The following TYR variants were observed in gnomAD, a reference collection of about 807,000 sequenced individuals.
TYR encodes tyrosinase, also known as LB24-AB.
A neutral mutation model predicts 51.5 loss-of-function variants in TYR; 58 were observed. The ratio of observed to expected loss-of-function variants is 1.13; its 90% CI spans 0.91 to 1.40. The LOEUF (loss-of-function observed/expected upper bound fraction) is 1.40. Ranked by LOEUF, TYR falls within the 40% of genes most tolerant of loss-of-function variation. TYR has a pLI of 0.00. For missense variants in TYR, 732 were observed against 647.4 expected (o/e 1.13, Z -1.42); for synonymous variants, 263 against 235.2 (o/e 1.12, Z -1.08).
chr11:89,185,821 T>TA (rs1050533223), intron 1 of TYR, among the ~76,000 whole-genome samples: 25 of 152,180 alleles, frequency 1.6e-4, no homozygotes, highest in African/African-American at 4.8e-4. Flanking sequence ...CTAAGAAAAA[T>TA]AAAAAAATAT....
intron 4 of TYR, among the ~76,000 whole-genome samples, chr11:89,289,129 T>C (rs1165369796): frequency 6.6e-6 from 1 of 152,070 alleles, no homozygotes; most frequent in Non-Finnish European, 1.5e-5. Flanking sequence ...AGAAGGGTTA[T>C]GTCTTCAATG....
intron 1 of TYR, among the ~76,000 whole-genome samples, chr11:89,190,112 AC>A (rs1244614017): frequency 6.6e-6 from 1 of 152,192 alleles, no homozygotes; most frequent in African/African-American, 2.4e-5. Flanking sequence ...ATGATAATAA[AC>A]AACTATGTTA....
intron 3 of TYR, 40 bp from the exon 4 acceptor site, chr11:89,284,733 A>T: frequency 1.9e-6 from 3 of 1,595,196 alleles, no homozygotes; most frequent in Non-Finnish European, 2.6e-6. Flanking sequence ...TCTTTTATAC[A>T]CAATATGTTT....
intron 1 of TYR, among the ~76,000 whole-genome samples, chr11:89,184,578 C>G (rs1943344159): frequency 6.6e-6 from 1 of 152,030 alleles, no homozygotes; most frequent in African/African-American, 2.4e-5. Flanking sequence ...CTCAACAGTT[C>G]TAGTTCTCAA....
intron 2 of TYR, among the ~76,000 whole-genome samples, chr11:89,222,964 A>G (rs1943931588): frequency 6.6e-6 from 1 of 152,180 alleles, no homozygotes; most frequent in Non-Finnish European, 1.5e-5. Context: ...ATAATAACAC[A>G]TTCTGCACCT....
At chr11:89,236,857 T>G (rs1241714061) in intron 3 of TYR, among the ~76,000 whole-genome samples, 1 of 152,164 alleles carries the variant, frequency 6.6e-6, no homozygotes, top group Non-Finnish European at 1.5e-5. Context: ...CTAGTTTCAG[T>G]TTTGACCTCC....
At chr11:89,180,502 A>G (rs1591135742) in intron 1 of TYR, among the ~76,000 whole-genome samples, 1 of 152,120 alleles carries the variant, frequency 6.6e-6, no homozygotes, top group African/African-American at 2.4e-5. Flanking sequence ...GTCAAGCAGA[A>G]CTTTTTCCTT....
intron 2 of TYR, among the ~76,000 whole-genome samples, chr11:89,208,005 ACGC>A (rs1943694432): frequency 6.6e-6 from 1 of 152,242 alleles, no homozygotes; most frequent in South Asian, 2.1e-4. Context: ...GCGGTGGCTC[ACGC>A]CTGTAATCCC....
intron 3 of TYR, among the ~76,000 whole-genome samples, chr11:89,250,892 G>A (rs1944324491): frequency 6.6e-6 from 1 of 151,772 alleles, no homozygotes; most frequent in African/African-American, 2.4e-5. Context: ...AAACAGTAGT[G>A]GAATAATGAC....
At chr11:89,284,987 A>G in intron 4 of TYR, 33 bp downstream of exon 4, 1 of 1,576,424 alleles carries the variant, frequency 6.3e-7, no homozygotes, top group Non-Finnish European at 8.7e-7. Flanking sequence ...GGAATTGCTG[A>G]ATCTAGTGTT....
chr11:89,178,868 CA>C (rs1943264675), intron 1 of TYR, 96 bp downstream of exon 1: 1 of 1,242,776 alleles, frequency 8.0e-7, no homozygotes, highest in Admixed American at 1.8e-5. Context: ...ACACTCATTG[CA>C]GCCCCCATCA....
intron 1 of TYR, among the ~76,000 whole-genome samples, 165 bp downstream of exon 1, chr11:89,178,937 A>G (rs545632586): frequency 6.6e-6 from 1 of 152,276 alleles, no homozygotes; most frequent in African/African-American, 2.4e-5. Flanking sequence ...TTTCCTTTAT[A>G]GCACACTTTA....
chr11:89,285,089 T>G, intron 4 of TYR, 135 bp downstream of exon 4: 1 of 756,488 alleles, frequency 1.3e-6, no homozygotes, highest in Non-Finnish European at 2.2e-6. Flanking sequence ...TAATCCTTAA[T>G]TTATTACCAG....
intron 3 of TYR, among the ~76,000 whole-genome samples, chr11:89,235,855 G>A (rs375961381): frequency 6.6e-6 from 1 of 152,032 alleles, no homozygotes; most frequent in Non-Finnish European, 1.5e-5. Context: ...ACAATAAAAT[G>A]ATAAATATGT....
In TYR at chr11:89,270,266, C is replaced by T. The variant is rs189200939; in HGVS notation, c.1185-14507C>T. 7.2e-5 allele frequency among the ~76,000 whole-genome samples: 11 copies of T among 151,932 alleles called. No homozygotes were observed. In the East Asian group the frequency reaches 2.2e-3, roughly 30 times the overall value. ...AGAATGCTTTTTTTCCCTCTTATTA[C>T]TTTGCCTAGATCTCTGCTATTCATT... On this transcript the variant is annotated intron_variant, in intron 3 of 4. Transcript: ENST00000263321.
intron 1 of TYR, among the ~76,000 whole-genome samples, chr11:89,186,977 G>T (rs1039036501): frequency 3.3e-5 from 5 of 152,160 alleles, no homozygotes; most frequent in African/African-American, 1.2e-4. Context: ...CAGATACCTT[G>T]ATCTTGGACT....
chr11:89,200,188 G>A (rs1943578409), intron 2 of TYR: 1 of 152,162 alleles, frequency 6.6e-6, no homozygotes, highest in Admixed American at 6.6e-5. Context: ...GGATTCTCAA[G>A]CCACAGTCTC....
chr11:89,177,884 G>C lies in TYR; in HGVS notation c.-70G>C. The C allele has an allele frequency of 6.8e-7, 1 of 1,474,424 alleles. No individual in the cohort carries two copies. Among genetic ancestry groups the C allele is most frequent in the Non-Finnish European group, 9.4e-7 (1 of 1,058,952 alleles). The allele number at this position is 1,474,424 out of a possible 1,614,324, so 91.3% of individuals were successfully genotyped here. ...AAGACATGTGATAATCACTGTAGTA[G>C]TAGCTGGAAAGAGAAATCTGTGACT... On this transcript the variant is annotated 5_prime_UTR_variant, in exon 1 of 5. Coordinates refer to ENST00000263321, the MANE Select transcript of TYR (RefSeq NM_000372.5).
At position 89,216,601 on chromosome 11, in the gene TYR, C is replaced by T. The variant is rs375956301; in HGVS notation, c.1037-11222C>T. Among the ~76,000 whole-genome samples, 216 of 136,904 alleles carry T rather than the reference C, an allele frequency of 1.6e-3. 2 individuals are homozygous for T. Among genetic ancestry groups the T allele is most frequent in the African/African-American group, 5.9e-3 (207 of 35,022 alleles). The allele number at this position is 136,904 out of a possible 152,430, so 89.8% of individuals were successfully genotyped here. ...CCAGGAGGCAGAGGTCGCAGTGAGC[C>T]GAGATCGCACCACTGCACTCCAGCC... On this transcript the variant is annotated intron_variant, in intron 2 of 4. Coordinates refer to ENST00000263321, the MANE Select transcript of TYR (RefSeq NM_000372.5).
Sources: allele counts gnomAD v4.1 joint callset (sites outside exome capture counted in the v4.1 genomes callset), GRCh38; gene constraint gnomAD v4.1.1; transcripts MANE v1.5; gene names NCBI Gene and HGNC (gene_info 2026-07-23, HGNC 2026-07-21).